Variants in PLEKHH2 observed in about 807,000 individuals in gnomAD.
PLEKHH2 encodes pleckstrin homology domain-containing family H member 2.
Under a neutral mutation model 187.9 loss-of-function variants are expected in PLEKHH2, and 129 were observed. The ratio of observed to expected loss-of-function variants is 0.69; its 90% CI spans 0.59 to 0.79. PLEKHH2 has a LOEUF of 0.79. PLEKHH2 is among the 30% of genes least tolerant of loss of function. The probability of loss-of-function intolerance (pLI) is 0.00; values close to 1 mark genes in which losing one functional copy is unlikely to be tolerated. For synonymous variants in PLEKHH2, 686 were observed against 605.6 expected (o/e 1.13, Z -1.95); for missense variants, 2,076 against 1,751.2 (o/e 1.19, Z -3.31).
At chr2:43,727,338 G>A (rs1019646509) in intron 17 of PLEKHH2, among the ~76,000 whole-genome samples, 11 of 144,606 alleles carry the variant, frequency 7.6e-5, no homozygotes, top group Non-Finnish European at 1.2e-4. Flanking sequence ...CTTGAACCCA[G>A]GAGGTAGAGG....
At chr2:43,702,803 T>A (rs1669447586) in intron 8 of PLEKHH2, among the ~76,000 whole-genome samples, 2 of 152,124 alleles carry the variant, frequency 1.3e-5, no homozygotes, top group Non-Finnish European at 2.9e-5. Flanking sequence ...ATTACAATAG[T>A]CACTCTAGAG....
chr2:43,644,703 A>T lies in PLEKHH2; in HGVS notation c.30A>T (p.Pro10=), dbSNP rs1666104170. 6.2e-7 allele frequency: 1 copy of T among 1,606,382 alleles called. No homozygotes were observed. The highest frequency in any genetic ancestry group is 1.3e-5 in the African/African-American group (1 of 74,744). The change falls in exon 2 of 30, where the codon CCA becomes CCT. Residue 10 remains proline (P), a synonymous_variant. Coordinates refer to ENST00000282406, the MANE Select transcript of PLEKHH2 (RefSeq NM_172069.4). ...CAGAGCTTTCTGAGCCAGAGGGACCAGTAGATTGGAAGGAACGATGTGTAG... is the reference window on the plus strand; with the variant it reads ...CAGAGCTTTCTGAGCCAGAGGGACCTGTAGATTGGAAGGAACGATGTGTAG... MAELSEPEG[P]VDWKERCVAL... is the part of the protein sequence containing the mutation.
chr2:43,641,990 C>T (rs1014640544), intron 1 of PLEKHH2, among the ~76,000 whole-genome samples: 1 of 152,128 alleles, frequency 6.6e-6, no homozygotes, highest in African/African-American at 2.4e-5. Context: ...AAAGTTTGAT[C>T]AGCTTGTCAA....
chr2:43,760,726 T>G (rs1043576238), intron 27 of PLEKHH2, among the ~76,000 whole-genome samples: 1 of 151,900 alleles, frequency 6.6e-6, no homozygotes, highest in South Asian at 2.1e-4. Flanking sequence ...GTTGTGTTGC[T>G]GTCACCACCA....
chr2:43,708,352 C>T (rs1669775016), intron 11 of PLEKHH2, among the ~76,000 whole-genome samples: 2 of 152,244 alleles, frequency 1.3e-5, no homozygotes, highest in South Asian at 2.1e-4. Context: ...GCTCCAGTCT[C>T]ACTGGCCCTC....
chr2:43,673,454 T>C (rs1667582440), intron 2 of PLEKHH2, among the ~76,000 whole-genome samples: 1 of 152,218 alleles, frequency 6.6e-6, no homozygotes, highest in South Asian at 2.1e-4. Flanking sequence ...TATTTTCTTA[T>C]TTTTAGCCCT....
Position 43,700,066 on chromosome 2 carries a change from G to C in PLEKHH2, c.1108G>C (p.Gly370Arg). 6.2e-7 allele frequency: 1 copy of C among 1,614,068 alleles called. No individual in the cohort carries two copies. ...WKALNSPLGK[G>R]NSELSKKEQD... ...AGCTCTAAATAGTCCTCTTGGAAAG[G>C]GAAATTCTGAATTAAGTAAAAAGGA... The change falls in exon 8 of 30, where the codon GGA becomes CGA. Residue 370 changes from glycine to arginine, a missense_variant. Gly to Arg is a moderately radical substitution (Grantham distance 125). Coordinates refer to ENST00000282406, the MANE Select transcript of PLEKHH2 (RefSeq NM_172069.4).
At chr2:43,740,714 G>T (rs575433499) in intron 20 of PLEKHH2, 33 of 523,838 alleles carry the variant, frequency 6.3e-5, no homozygotes, top group African/African-American at 5.4e-4. Flanking sequence ...CTTGTGCCTT[G>T]GTTCCTCAGT....
At chr2:43,702,748 A>AT (rs1416191197) in intron 8 of PLEKHH2, among the ~76,000 whole-genome samples, 1 of 152,068 alleles carries the variant, frequency 6.6e-6, no homozygotes, top group Non-Finnish European at 1.5e-5. Flanking sequence ...CTAAGAGCTT[A>AT]TTTTAAGGCA....
At chr2:43,670,744 G>A (rs192958454) in intron 2 of PLEKHH2, among the ~76,000 whole-genome samples, 1 of 152,088 alleles carries the variant, frequency 6.6e-6, no homozygotes, top group Non-Finnish European at 1.5e-5. Context: ...AGACTGGGTG[G>A]AATCTATAGG....
At chr2:43,720,460 T>A (rs986783125) in intron 15 of PLEKHH2, among the ~76,000 whole-genome samples, 1 of 152,162 alleles carries the variant, frequency 6.6e-6, no homozygotes, top group African/African-American at 2.4e-5. Flanking sequence ...ACCCTGCTAG[T>A]CCACAGTGTC....
At chr2:43,695,016 C>T (rs1669019005) in intron 5 of PLEKHH2, 127 bp from the exon 6 acceptor site, 1 of 431,322 alleles carries the variant, frequency 2.3e-6, no homozygotes, top group African/African-American at 2.0e-5. Context: ...ATTTGTTTAT[C>T]ATTTCCTTTG....
intron 25 of PLEKHH2, 86 bp downstream of exon 25, chr2:43,753,846 A>T (rs973360902): frequency 2.6e-6 from 3 of 1,133,370 alleles, no homozygotes; most frequent in Non-Finnish European, 3.6e-6. Context: ...AATATACTTC[A>T]ATAATTCTTT....
intron 26 of PLEKHH2, among the ~76,000 whole-genome samples, chr2:43,758,073 A>G (rs1179012217): frequency 2.0e-5 from 3 of 152,212 alleles, no homozygotes; most frequent in Non-Finnish European, 4.4e-5. Context: ...GGCAAATCCA[A>G]TTTATCGTGA....
chr2:43,687,145 T>C (rs1668563362), intron 3 of PLEKHH2, among the ~76,000 whole-genome samples: 1 of 152,188 alleles, frequency 6.6e-6, no homozygotes, highest in Non-Finnish European at 1.5e-5. Flanking sequence ...TGTCTCCGTC[T>C]CTTGCTCCCT....
intron 24 of PLEKHH2, among the ~76,000 whole-genome samples, chr2:43,747,112 C>G (rs1290194496): frequency 1.1e-5 from 1 of 87,244 alleles, no homozygotes; most frequent in Non-Finnish European, 2.4e-5. Context: ...CTCTCTCCCT[C>G]TCTCTCTCTC....
At chr2:43,731,212 T>G (rs745877719) in intron 18 of PLEKHH2, among the ~76,000 whole-genome samples, 2 of 152,094 alleles carry the variant, frequency 1.3e-5, no homozygotes, top group African/African-American at 4.8e-5. Context: ...CACAAATCAC[T>G]AAAGAACTTA....
intron 3 of PLEKHH2, among the ~76,000 whole-genome samples, chr2:43,691,908 T>C (rs1668816811): frequency 6.6e-6 from 1 of 152,158 alleles, no homozygotes; most frequent in Non-Finnish European, 1.5e-5. Context: ...AGCCGGACAC[T>C]TGACAGGTTT....
intron 25 of PLEKHH2, among the ~76,000 whole-genome samples, chr2:43,755,093 G>A (rs141378006): frequency 1.7e-3 from 265 of 151,924 alleles, no homozygotes; most frequent in Non-Finnish European, 2.3e-3. Flanking sequence ...GGCTAGTCTC[G>A]AACTCCTGAC....
Sources: gnomAD v4.1 joint callset for allele counts (sites outside exome capture counted in the v4.1 genomes callset) on GRCh38, gnomAD v4.1.1 for gene constraint, MANE v1.5 for transcripts, NCBI Gene and HGNC (gene_info 2026-07-23, HGNC 2026-07-21) for gene names.